Variants in GDNF observed in about 807,000 individuals in gnomAD.
GDNF encodes glial cell derived neurotrophic factor.
A neutral mutation model predicts 13.7 loss-of-function variants in GDNF; 5 were observed. The ratio of observed to expected loss-of-function variants is 0.36; its 90% confidence interval spans 0.19 to 0.77. GDNF has a LOEUF of 0.77. GDNF is among the 30% of genes least tolerant of loss of function. The probability of loss-of-function intolerance (pLI) is 0.51; values close to 1 mark genes in which losing one functional copy is unlikely to be tolerated. For missense variants in GDNF, 246 were observed against 274.3 expected (o/e 0.90, Z 0.73); for synonymous variants, 122 against 112.5 (o/e 1.08, Z -0.53).
At chr5:37,827,024 T>A (rs1461796074) in intron 2 of GDNF, among the ~76,000 whole-genome samples, 1 of 152,130 alleles carries the variant, frequency 6.6e-6, no homozygotes, top group African/African-American at 2.4e-5. Context: ...TTTCCCTACA[T>A]CTAATCATGT....
At chr5:37,820,778 A>G (rs965292596) in intron 2 of GDNF, among the ~76,000 whole-genome samples, 5 of 152,174 alleles carry the variant, frequency 3.3e-5, no homozygotes, top group Admixed American at 1.3e-4. Context: ...ATTATTTTTT[A>G]AAGTCTTCCT....
Position 37,834,800 on chromosome 5 carries a change from A to G in GDNF, c.-4T>C. ...CCACGACATCCCATAACTTCATCTT[A>G]AAGTCCCGTCCGGCGGCGGCACCTG... On this transcript the variant is annotated 5_prime_UTR_variant, in exon 2 of 3. Coordinates refer to ENST00000326524, the MANE Select transcript of GDNF (RefSeq NM_000514.4). 2 of 1,612,722 alleles carry G rather than the reference A, an allele frequency of 1.2e-6. No individual in the cohort carries two copies. Among genetic ancestry groups the G allele is most frequent in the South Asian group, 2.2e-5 (2 of 90,988 alleles).
At chr5:37,827,422 G>GA (rs952016514) in intron 2 of GDNF, among the ~76,000 whole-genome samples, 1 of 152,186 alleles carries the variant, frequency 6.6e-6, no homozygotes, top group African/African-American at 2.4e-5. Context: ...AAATGGTTCA[G>GA]AAAAAAACGA....
intron 2 of GDNF, among the ~76,000 whole-genome samples, chr5:37,820,286 A>G (rs1469116539): frequency 6.6e-6 from 1 of 152,254 alleles, no homozygotes; most frequent in East Asian, 1.9e-4. Flanking sequence ...AGACTCATTA[A>G]TCTATATGAT....
At position 37,835,555 on chromosome 5, in the gene GDNF, C is replaced by T. The variant is rs968315564; in HGVS notation, c.-26-733G>A. 47 of 1,473,822 alleles carry T rather than the reference C, an allele frequency of 3.2e-5. 1 individual carries two copies. In the East Asian group the frequency reaches 1.2e-3, roughly 36 times the overall value. 91.3% of individuals were successfully genotyped at this position (1,473,822 alleles called of 1,614,324 possible). ...GATTCGATTTAAAATACTCCTCCCA[C>T]CTCTTAAAGTTATGAACATTAAATC... is the stretch of plus-strand genomic sequence containing the variant. On this transcript the variant is annotated intron_variant, in intron 1 of 2. Coordinates refer to ENST00000326524, the MANE Select transcript of GDNF (RefSeq NM_000514.4).
chr5:37,838,278 G>C lies in GDNF; in HGVS notation c.-27+1229C>G, dbSNP rs1055685303. Among the ~76,000 whole-genome samples, 1 of 152,152 alleles carries C rather than the reference G, an allele frequency of 6.6e-6. No homozygotes were observed. Among genetic ancestry groups the C allele is most frequent in the African/African-American group, 2.4e-5 (1 of 41,416 alleles). ...GGACACGGCGGACTTCCCAGAGATCGGACACTTGTTACTTGTTGAAAAGGC... is the reference window on the plus strand; with the variant it reads ...GGACACGGCGGACTTCCCAGAGATCCGACACTTGTTACTTGTTGAAAAGGC... On this transcript the variant is annotated intron_variant, in intron 1 of 2. Transcript: ENST00000326524. The surrounding 1 kb of genome is among the most constrained non-coding windows in gnomAD (Gnocchi z 4.1).
chr5:37,830,793 A>G (rs1480060973), intron 2 of GDNF, among the ~76,000 whole-genome samples: 1 of 152,228 alleles, frequency 6.6e-6, no homozygotes, highest in African/African-American at 2.4e-5. Context: ...GAAAAAACAA[A>G]GCTTAAGGGA....
chr5:37,835,727 T>C, intron 1 of GDNF: 1 of 1,345,716 alleles, frequency 7.4e-7, no homozygotes, highest in Middle Eastern at 1.8e-4. Flanking sequence ...TTTGCACCTT[T>C]GAGAGATTCT....
In GDNF at chr5:37,815,610, T is replaced by C. The variant is rs1330884755; in HGVS notation, c.*41A>G. On this transcript the variant is annotated 3_prime_UTR_variant, in exon 3 of 3. Coordinates refer to ENST00000326524, the MANE Select transcript of GDNF (RefSeq NM_000514.4). The surrounding 1 kb of genome is among the most constrained non-coding windows in gnomAD (Gnocchi z 5.0). ...GGAACCTTGGTCCCTTTCTTTGCAC[T>C]GTAGCAGGAATGCAATACACAGCAG... 1.3e-6 allele frequency: 2 copies of C among 1,597,282 alleles called. No individual in the cohort carries two copies. The highest frequency in any genetic ancestry group is 4.5e-5 in the East Asian group (2 of 44,824).
intron 2 of GDNF, among the ~76,000 whole-genome samples, chr5:37,818,574 A>ATGGGGG (rs1750012733): frequency 6.6e-6 from 1 of 152,142 alleles, no homozygotes; most frequent in African/African-American, 2.4e-5. Flanking sequence ...GACTAATACA[A>ATGGGGG]GGCCCATAGC....
chr5:37,818,037 T>C (rs2973049), intron 2 of GDNF, among the ~76,000 whole-genome samples: 102,676 of 152,056 alleles, frequency 0.68, 34,820 homozygotes, highest in African/African-American at 0.73. Flanking sequence ...CTTGTTTCTC[T>C]TCTTGTTCCC....
chr5:37,830,918 T>G (rs1001406050), intron 2 of GDNF, among the ~76,000 whole-genome samples: 1 of 152,222 alleles, frequency 6.6e-6, no homozygotes, highest in Non-Finnish European at 1.5e-5. Flanking sequence ...TGATTTCTTG[T>G]TCTGTGCCCT....
intron 2 of GDNF, chr5:37,824,400 G>A (rs1236429459): frequency 1.3e-5 from 2 of 152,190 alleles, no homozygotes; most frequent in Admixed American, 6.5e-5. Context: ...CACTGCAAGT[G>A]GTACAAAATG....
chr5:37,824,875 T>G (rs1169120745), intron 2 of GDNF, among the ~76,000 whole-genome samples: 2 of 152,230 alleles, frequency 1.3e-5, no homozygotes, highest in African/African-American at 4.8e-5. Context: ...GTGCATTCTC[T>G]TCAGGACCAG....
chr5:37,835,308 T>G, intron 1 of GDNF: 1 of 510,144 alleles, frequency 2.0e-6, no homozygotes. Context: ...GTGTTTCTCT[T>G]TGGAAATAAA....
In GDNF at chr5:37,834,811, C is replaced by G; in HGVS notation, c.-15G>C. The stretch of plus-strand genomic sequence containing the variant: ...CATAACTTCATCTTAAAGTCCCGTC[C>G]GGCGGCGGCACCTGCGCGGGCAGGC... On this transcript the variant is annotated 5_prime_UTR_variant, in exon 2 of 3. Transcript: ENST00000326524. 1 of 1,612,538 alleles carries G rather than the reference C, an allele frequency of 6.2e-7. No individual in the cohort carries two copies. Among genetic ancestry groups the G allele is most frequent in the Middle Eastern group, 1.7e-4 (1 of 6,060 alleles).
In GDNF at chr5:37,834,835, G is replaced by A; in HGVS notation, c.-26-13C>T. ...CCGGCGGCGGCACCTGCGCGGGCAG[G>A]CGGGAGGTGGGGGAGAGAACCGCAG... On this transcript the variant is annotated splice_polypyrimidine_tract_variant and intron_variant, in intron 1 of 2. Coordinates refer to ENST00000326524, the MANE Select transcript of GDNF (RefSeq NM_000514.4). 1 of 1,611,782 alleles carries A rather than the reference G, an allele frequency of 6.2e-7. No individual in the cohort carries two copies. Among genetic ancestry groups the A allele is most frequent in the Admixed American group, 1.7e-5 (1 of 59,992 alleles).
At chr5:37,830,484 G>A (rs574460893) in intron 2 of GDNF, among the ~76,000 whole-genome samples, 1 of 152,190 alleles carries the variant, frequency 6.6e-6, no homozygotes, top group African/African-American at 2.4e-5. Context: ...GACTGCCTAC[G>A]TGCTGACCAA....
At chr5:37,826,992 T>C (rs1158785842) in intron 2 of GDNF, among the ~76,000 whole-genome samples, 2 of 152,150 alleles carry the variant, frequency 1.3e-5, no homozygotes, top group African/African-American at 4.8e-5. Flanking sequence ...CATAGTGCCA[T>C]GAATATGATA....
Sources: gnomAD v4.1 joint callset for allele counts (sites outside exome capture counted in the v4.1 genomes callset) on GRCh38, gnomAD v4.1.1 for gene constraint, Gnocchi (gnomAD v3.1) non-coding constraint, MANE v1.5 for transcripts, NCBI Gene and HGNC (gene_info 2026-07-23, HGNC 2026-07-21) for gene names.